Variants in ZNF385B observed in about 807,000 individuals in gnomAD.
ZNF385B encodes zinc finger protein 533.
Under a neutral mutation model 39.2 loss-of-function variants are expected in ZNF385B, and 23 were observed. The ratio of observed to expected loss-of-function variants is 0.59; its 90% CI spans 0.42 to 0.83. The LOEUF (loss-of-function observed/expected upper bound fraction) is 0.83. ZNF385B is among the 40% of genes least tolerant of loss of function. The pLI, the probability that ZNF385B is intolerant of heterozygous loss-of-function variation, is 0.00. For synonymous variants in ZNF385B, 205 were observed against 222.6 expected (o/e 0.92, Z 0.70); for missense variants, 552 against 598.9 (o/e 0.92, Z 0.82).
chr2:179,770,060 C>T (rs1324764813), intron 2 of ZNF385B, among the ~76,000 whole-genome samples: 6 of 152,114 alleles, frequency 3.9e-5, no homozygotes, highest in Non-Finnish European at 8.8e-5. Flanking sequence ...CCCCTCTTCC[C>T]ATCACCTCCC....
intron 3 of ZNF385B, among the ~76,000 whole-genome samples, chr2:179,707,231 G>A (rs1351201472): frequency 3.9e-5 from 6 of 152,202 alleles, no homozygotes; most frequent in Non-Finnish European, 7.3e-5. Context: ...AGGAAGAAGG[G>A]AAGAGAGTCT....
intron 3 of ZNF385B, among the ~76,000 whole-genome samples, chr2:179,575,014 C>T (rs892421867): frequency 3.3e-5 from 5 of 152,074 alleles, no homozygotes; most frequent in East Asian, 1.9e-4. Context: ...GTACCAACAT[C>T]GGTCTTCTGC....
intron 1 of ZNF385B, among the ~76,000 whole-genome samples, chr2:179,775,765 ACT>A (rs1704276126): frequency 1.3e-5 from 2 of 152,090 alleles, no homozygotes; most frequent in Admixed American, 6.6e-5. Context: ...TAAAGCATAG[ACT>A]CTATTCTGTA....
chr2:179,646,861 A>G (rs1427632654), intron 3 of ZNF385B, among the ~76,000 whole-genome samples: 3 of 152,252 alleles, frequency 2.0e-5, no homozygotes, highest in African/African-American at 4.8e-5. Context: ...GATCTATTGC[A>G]TGAATAAATT....
rs1300866961 is a variant in ZNF385B, at chr2:179,861,115, C to A, written c.-169G>T. On this transcript the variant is annotated 5_prime_UTR_variant, in exon 1 of 10. Coordinates refer to ENST00000410066, the MANE Select transcript of ZNF385B (RefSeq NM_152520.6). ...CCAGAGCTTACCTCGGCGCGCGGGC[C>A]GCGGGCGCGTGGGGCAGTGGCTCCT... 5 of 154,898 alleles carry A rather than the reference C, an allele frequency of 3.2e-5. No individual in the cohort carries two copies. Among genetic ancestry groups the A allele is most frequent in the Non-Finnish European group, 7.3e-5 (5 of 68,356 alleles). 9.6% of individuals were successfully genotyped at this position (154,898 alleles called of 1,614,324 possible).
chr2:179,671,968 A>C (rs536649404), intron 3 of ZNF385B, among the ~76,000 whole-genome samples: 5 of 151,554 alleles, frequency 3.3e-5, no homozygotes, highest in Non-Finnish European at 5.9e-5. Flanking sequence ...TGGTAGAGAC[A>C]CCCGGGTAAG....
At chr2:179,776,996 C>A (rs357696) in intron 1 of ZNF385B, among the ~76,000 whole-genome samples, 2,348 of 152,012 alleles carry the variant, frequency 0.015, 61 homozygotes, top group African/African-American at 0.052. Flanking sequence ...AAATCTTTGA[C>A]AAAATAAAAT....
intron 1 of ZNF385B, among the ~76,000 whole-genome samples, chr2:179,851,667 TAG>T (rs1684171591): frequency 6.6e-6 from 1 of 152,208 alleles, no homozygotes; most frequent in African/African-American, 2.4e-5. Context: ...TGATCAGAGT[TAG>T]AGCTATTCAT....
intron 3 of ZNF385B, among the ~76,000 whole-genome samples, chr2:179,718,875 G>A (rs1379851566): frequency 6.6e-6 from 1 of 150,768 alleles, no homozygotes; most frequent in Non-Finnish European, 1.5e-5. Flanking sequence ...CATTTTAAAG[G>A]TAATCACTCA....
chr2:179,583,449 A>G (rs767843137), intron 3 of ZNF385B, among the ~76,000 whole-genome samples: 3 of 152,174 alleles, frequency 2.0e-5, no homozygotes, highest in African/African-American at 7.2e-5. Flanking sequence ...TATATTAAGT[A>G]CTTTATATAT....
chr2:179,773,788 C>A (rs1704147361), intron 1 of ZNF385B, among the ~76,000 whole-genome samples: 1 of 152,170 alleles, frequency 6.6e-6, no homozygotes, highest in Non-Finnish European at 1.5e-5. Context: ...CAATAAACTA[C>A]AATAAATTCT....
chr2:179,707,159 G>A (rs76241423), intron 3 of ZNF385B, among the ~76,000 whole-genome samples: 8,382 of 152,244 alleles, frequency 0.055, 746 homozygotes, highest in African/African-American at 0.18. Flanking sequence ...TCTAAAAGAC[G>A]GCAGCACACT....
chr2:179,445,448 CAACTT>C, intron 8 of ZNF385B, 97 bp downstream of exon 8: 1 of 1,174,078 alleles, frequency 8.5e-7, no homozygotes, highest in Non-Finnish European at 1.2e-6. Context: ...AAAAGTTAGT[CAACTT>C]AACTGTGAGC....
At position 179,718,916 on chromosome 2, in the gene ZNF385B, G is replaced by A. The variant is rs114027475; in HGVS notation, c.298+50587C>T. Among the ~76,000 whole-genome samples the A allele has an allele frequency of 6.8e-3, 1,029 of 151,632 alleles. 17 individuals carry two copies. The highest frequency in any genetic ancestry group is 0.023 in the African/African-American group (971 of 41,388). On this transcript the variant is annotated intron_variant, in intron 3 of 9. Coordinates refer to ENST00000410066, the MANE Select transcript of ZNF385B (RefSeq NM_152520.6). ...GCAGACAGCAGAAGGAGAAGATAATGTGAAGATTACAAATCTACTCACACT... is the reference window on the plus strand; with the variant it reads ...GCAGACAGCAGAAGGAGAAGATAATATGAAGATTACAAATCTACTCACACT...
Position 179,443,003 on chromosome 2 carries a change from C to A in ZNF385B, c.*247G>T, listed in dbSNP as rs139295177. 6.7e-5 allele frequency: 39 copies of A among 580,700 alleles called. 1 individual carries two copies. The highest frequency in any genetic ancestry group is 4.6e-4 in the Middle Eastern group (1 of 2,176). The allele number at this position is 580,700 out of a possible 1,614,324, so 36.0% of individuals were successfully genotyped here. A position where few individuals can be genotyped will look rare whatever the true frequency, so the allele number is the denominator to read the frequency against. On this transcript the variant is annotated 3_prime_UTR_variant, in exon 10 of 10. Coordinates refer to ENST00000410066, the MANE Select transcript of ZNF385B (RefSeq NM_152520.6). ...ATATCTGAGATACACAAATTGAACG[C>A]GGTAGGGTGGGGGAGGAAGTAGGGA...
chr2:179,469,098 A>G (rs960152511), intron 6 of ZNF385B, among the ~76,000 whole-genome samples: 2 of 152,202 alleles, frequency 1.3e-5, no homozygotes, highest in Non-Finnish European at 2.9e-5. Flanking sequence ...AGTCTCCTTT[A>G]AAAAGTGGTA....
chr2:179,659,189 C>T (rs918933086), intron 3 of ZNF385B, among the ~76,000 whole-genome samples: 5 of 152,140 alleles, frequency 3.3e-5, no homozygotes, highest in Admixed American at 6.5e-5. Context: ...ATATTTTCAC[C>T]TAAATTTCCT....
In ZNF385B at chr2:179,861,447, C is replaced by G. The variant is rs568053116; in HGVS notation, c.-501G>C. On this transcript the variant is annotated 5_prime_UTR_variant, in exon 1 of 10. Transcript: ENST00000410066. ...CCCGCTGGGCGCGCCCGGCCCGGCC[C>G]GGCCCCGCCGCACGCCCGCCCCCCT... 7 of 151,592 alleles carry G rather than the reference C, an allele frequency of 4.6e-5. 1 individual carries two copies. In the South Asian group the frequency reaches 9.7e-4, roughly 21 times the overall value. The allele number at this position is 151,592 out of a possible 1,614,324, so 9.4% of individuals were successfully genotyped here.
intron 6 of ZNF385B, 26 bp from the exon 7 acceptor site, chr2:179,446,796 T>C (rs754739349): frequency 2.0e-5 from 31 of 1,586,142 alleles, no homozygotes; most frequent in African/African-American, 1.6e-4. Context: ...AGAGATCTTA[T>C]TGAAGCCTCA....
Sources: gnomAD v4.1 joint callset for allele counts (sites outside exome capture counted in the v4.1 genomes callset) on GRCh38, gnomAD v4.1.1 for gene constraint, MANE v1.5 for transcripts, NCBI Gene and HGNC (gene_info 2026-07-23, HGNC 2026-07-21) for gene names.